AUNIP: variants seen among roughly 807,000 people sequenced by gnomAD.
AUNIP encodes the protein aurora kinase A and ninein interacting protein.
A neutral mutation model predicts 12.2 loss-of-function variants in AUNIP; 16 were observed. That is an observed-to-expected ratio of 1.31 (90% confidence interval 0.88 to 1.99). The LOEUF (loss-of-function observed/expected upper bound fraction) is 1.99. Among genes scored for constraint, AUNIP ranks in the 30% most tolerant of loss-of-function variants. AUNIP has a pLI of 0.00. For missense variants in AUNIP, 411 were observed against 419.1 expected (o/e 0.98, Z 0.17); for synonymous variants, 142 against 154.8 (o/e 0.92, Z 0.61).
intron 1 of AUNIP, among the ~76,000 whole-genome samples, chr1:25,840,054 C>G (rs1476054897): frequency 3.9e-5 from 6 of 151,942 alleles, no homozygotes; most frequent in Non-Finnish European, 4.4e-5. Context: ...ATATGTGAAG[C>G]AGAAAAATAC....
At chr1:25,839,370 A>G (rs2048332964) in intron 1 of AUNIP, among the ~76,000 whole-genome samples, 1 of 152,246 alleles carries the variant, frequency 6.6e-6, no homozygotes, top group African/African-American at 2.4e-5. Flanking sequence ...CTACACATGT[A>G]TTAGGTGAAA....
At chr1:25,852,863 A>T (rs1315352400) in intron 1 of AUNIP, among the ~76,000 whole-genome samples, 1 of 152,164 alleles carries the variant, frequency 6.6e-6, no homozygotes, top group Non-Finnish European at 1.5e-5. Flanking sequence ...ACTTTCTATT[A>T]TAATTTTCCT....
intron 1 of AUNIP, among the ~76,000 whole-genome samples, chr1:25,843,185 A>AAATATATAT (rs1553123796): frequency 2.2e-4 from 28 of 124,952 alleles, no homozygotes; most frequent in Non-Finnish European, 3.8e-4. Context: ...AAAAAAAAAA[A>AAATATATAT]ATATATATAT....
At chr1:25,846,584 A>G (rs1298719440) in intron 1 of AUNIP, among the ~76,000 whole-genome samples, 2 of 152,156 alleles carry the variant, frequency 1.3e-5, no homozygotes, top group Non-Finnish European at 2.9e-5. Flanking sequence ...TTAACCAGGC[A>G]TGATGGCAGA....
intron 1 of AUNIP, among the ~76,000 whole-genome samples, chr1:25,854,706 C>A (rs1382168588): frequency 2.0e-5 from 3 of 152,226 alleles, no homozygotes; most frequent in Admixed American, 1.3e-4. Flanking sequence ...TGGGTTAAGC[C>A]TAGATGGGTG....
chr1:25,832,452 G>A (rs1257197485), downstream of AUNIP: 1 of 420,900 alleles, frequency 2.4e-6, no homozygotes, highest in South Asian at 2.6e-5. Flanking sequence ...AGGGGAAGGG[G>A]CTATGAATGT....
chr1:25,852,058 T>C (rs2048427103), intron 1 of AUNIP, among the ~76,000 whole-genome samples: 1 of 152,152 alleles, frequency 6.6e-6, no homozygotes, highest in South Asian at 2.1e-4. Flanking sequence ...GGTTCAGTGA[T>C]CCTTACACCT....
At chr1:25,839,122 G>A (rs2048331216) in intron 1 of AUNIP, among the ~76,000 whole-genome samples, 1 of 152,224 alleles carries the variant, frequency 6.6e-6, no homozygotes, top group Non-Finnish European at 1.5e-5. Flanking sequence ...GCAGACAACA[G>A]GCAGTAAAGA....
Position 25,834,905 on chromosome 1 carries a change from A to C in AUNIP, c.*88T>G. ...TCATCCCATGCCACCTTCCCACCTA[A>C]ACAAACTCACTCCTCTCTCCACCCA... On this transcript the variant is annotated 3_prime_UTR_variant, in exon 3 of 3. Transcript: ENST00000374298. 6.6e-7 allele frequency: 1 copy of C among 1,526,466 alleles called. No individual in the cohort carries two copies. The highest frequency in any genetic ancestry group is 8.8e-7 in the Non-Finnish European group (1 of 1,142,668). 94.6% of individuals were successfully genotyped at this position (1,526,466 alleles called of 1,614,324 possible). A position where few individuals can be genotyped will look rare whatever the true frequency, so the allele number is the denominator to read the frequency against.
intron 1 of AUNIP, among the ~76,000 whole-genome samples, chr1:25,844,797 C>T (rs1314660847): frequency 6.6e-6 from 1 of 152,108 alleles, no homozygotes; most frequent in East Asian, 1.9e-4. Flanking sequence ...ACTCATTCTC[C>T]TCCACTTTTA....
At chr1:25,848,697 A>G (rs2048404698) in intron 1 of AUNIP, among the ~76,000 whole-genome samples, 1 of 152,144 alleles carries the variant, frequency 6.6e-6, no homozygotes, top group African/African-American at 2.4e-5. Context: ...GACCTCTATA[A>G]GGGCTGAAAA....
rs2048293081 is a variant in AUNIP, at chr1:25,835,493, C to T, written c.574G>A (p.Gly192Arg). 6.2e-7 allele frequency: 1 copy of T among 1,614,144 alleles called. No individual in the cohort carries two copies. Among genetic ancestry groups the T allele is most frequent in the South Asian group, 1.1e-5 (1 of 91,090 alleles). ...CATTCCCATTTCCTGGCAGAATCCC[C>T]TTTTTCTTCCTTTCGGTCTAGCAAA... Reference protein sequence around the residue: ...SCLLDRKEEKGDSARKWEWLH... With the variant: ...SCLLDRKEEKRDSARKWEWLH... The change falls in exon 3 of 3, where the codon GGG becomes AGG. Residue 192 changes from glycine (G) to arginine (R), a missense_variant. Gly to Arg is a moderately radical substitution (Grantham distance 125). Coordinates refer to ENST00000374298, the MANE Select transcript of AUNIP (RefSeq NM_024037.3).
In AUNIP at chr1:25,834,988, A is replaced by C. The variant is rs373622719; in HGVS notation, c.*5T>G. 7 of 1,596,794 alleles carry C rather than the reference A, an allele frequency of 4.4e-6. No individual in the cohort carries two copies. The highest frequency in any genetic ancestry group is 6.0e-6 in the Non-Finnish European group (7 of 1,171,488). On this transcript the variant is annotated 3_prime_UTR_variant, in exon 3 of 3. Coordinates refer to ENST00000374298, the MANE Select transcript of AUNIP (RefSeq NM_024037.3). ...AGGTACTTTTAGAAACAAAGCTTCA[A>C]ACATTTAGAATTGGTGTCTGATAAC... is the stretch of plus-strand genomic sequence containing the variant.
At chr1:25,857,026 G>A (rs1040121455) in intron 1 of AUNIP, among the ~76,000 whole-genome samples, 3 of 152,122 alleles carry the variant, frequency 2.0e-5, no homozygotes, top group Non-Finnish European at 2.9e-5. Flanking sequence ...TGAGGCAAGA[G>A]GATCACCTGG....
chr1:25,834,784 C>T lies in AUNIP; in HGVS notation c.*209G>A. 1 of 1,410,408 alleles carries T rather than the reference C, an allele frequency of 7.1e-7. No homozygotes were observed. Among genetic ancestry groups the T allele is most frequent in the Non-Finnish European group, 9.2e-7 (1 of 1,086,520 alleles). 87.4% of individuals were successfully genotyped at this position (1,410,408 alleles called of 1,614,324 possible). On this transcript the variant is annotated 3_prime_UTR_variant, in exon 3 of 3. Transcript: ENST00000374298. ...ACTCATTCAGGGAATTTACCAGCCA[C>T]CACCTTCCTGAGGGAAAGCCATGAT...
chr1:25,859,361 C>A lies in AUNIP; in HGVS notation c.-4G>T. The A allele has an allele frequency of 2.6e-6, 4 of 1,523,222 alleles. No homozygotes were observed. The highest frequency in any genetic ancestry group is 3.5e-6 in the Non-Finnish European group (4 of 1,139,918). The allele number at this position is 1,523,222 out of a possible 1,614,324, so 94.4% of individuals were successfully genotyped here. The stretch of plus-strand genomic sequence containing the variant: ...CCTCGGGGCCTGTCCGCCTCATGGC[C>A]GCTGAGGAGACGAAGCCGGCAGGAC... On this transcript the variant is annotated 5_prime_UTR_variant, in exon 1 of 3. Coordinates refer to ENST00000374298, the MANE Select transcript of AUNIP (RefSeq NM_024037.3).
chr1:25,837,697 G>GTCCAGCACCAACTAC, intron 1 of AUNIP, 143 bp from the exon 2 acceptor site: 1 of 780,008 alleles, frequency 1.3e-6, no homozygotes, highest in Non-Finnish European at 1.9e-6. Flanking sequence ...GGTAGTTGGT[G>GTCCAGCACCAACTAC]CTGGACATCA....
At chr1:25,849,660 G>T (rs2048412600) in intron 1 of AUNIP, among the ~76,000 whole-genome samples, 1 of 152,116 alleles carries the variant, frequency 6.6e-6, no homozygotes, top group Non-Finnish European at 1.5e-5. Flanking sequence ...TTGAGACAGG[G>T]TCTTATTCTG....
chr1:25,836,837 C>T (rs1411758605), intron 2 of AUNIP, among the ~76,000 whole-genome samples: 4 of 152,196 alleles, frequency 2.6e-5, no homozygotes, highest in East Asian at 3.9e-4. Flanking sequence ...GAATCACACC[C>T]GGCATTAGAG....
Sources: allele counts gnomAD v4.1 joint callset (sites outside exome capture counted in the v4.1 genomes callset), GRCh38; gene constraint gnomAD v4.1.1; transcripts MANE v1.5; gene names NCBI Gene and HGNC (gene_info 2026-07-23, HGNC 2026-07-21).